The following FHIT variants were observed in gnomAD, a reference collection of about 807,000 sequenced individuals.
FHIT encodes bis(5'-adenosyl)-triphosphatase.
A neutral mutation model predicts 17.9 loss-of-function variants in FHIT; 19 were observed. The observed-to-expected ratio is 1.06, with a 90% CI of 0.74 to 1.56. FHIT has a LOEUF of 1.56. FHIT is among the 40% of genes most tolerant of loss of function. The probability of loss-of-function intolerance (pLI) is 0.00; values close to 1 mark genes in which losing one functional copy is unlikely to be tolerated. For synonymous variants in FHIT, 81 were observed against 69.7 expected (o/e 1.16, Z -0.81); for missense variants, 248 against 189.2 (o/e 1.31, Z -1.82).
intron 3 of FHIT, among the ~76,000 whole-genome samples, chr3:60,866,068 G>C (rs141946953): frequency 6.6e-6 from 1 of 152,232 alleles, no homozygotes; most frequent in East Asian, 1.9e-4. Flanking sequence ...CCTGTCATCT[G>C]TTCCCAAAGG....
intron 5 of FHIT, among the ~76,000 whole-genome samples, chr3:60,097,781 G>C (rs1412162592): frequency 6.7e-6 from 1 of 150,142 alleles, no homozygotes; most frequent in East Asian, 2.0e-4. Flanking sequence ...TGTTACATAT[G>C]TATACATGTG....
At chr3:59,981,027 T>G (rs1708631048) in intron 7 of FHIT, among the ~76,000 whole-genome samples, 1 of 152,140 alleles carries the variant, frequency 6.6e-6, no homozygotes. Context: ...AGACAAAGCA[T>G]CTGAAGATTT....
chr3:60,858,283 A>G (rs1703468267), intron 3 of FHIT, among the ~76,000 whole-genome samples: 1 of 152,182 alleles, frequency 6.6e-6, no homozygotes. Context: ...AAAAAGAAAA[A>G]CACACTTTTA....
At chr3:59,799,793 GA>G (rs1476128276) in intron 8 of FHIT, among the ~76,000 whole-genome samples, 1 of 152,180 alleles carries the variant, frequency 6.6e-6, no homozygotes, top group Non-Finnish European at 1.5e-5. Context: ...ACTCTTATCA[GA>G]AAATTGATCT....
chr3:60,228,600 C>T (rs1234994519), intron 5 of FHIT, among the ~76,000 whole-genome samples: 2 of 152,138 alleles, frequency 1.3e-5, no homozygotes, highest in East Asian at 3.9e-4. Flanking sequence ...GCCTAAGTTT[C>T]TACATGTATA....
At chr3:61,109,567 G>A (rs1454443237) in intron 2 of FHIT, among the ~76,000 whole-genome samples, 1 of 152,112 alleles carries the variant, frequency 6.6e-6, no homozygotes, top group African/African-American at 2.4e-5. Flanking sequence ...TAAGCCCCCA[G>A]TAAAAGCCCA....
chr3:61,132,524 C>A (rs1157702767), intron 2 of FHIT, among the ~76,000 whole-genome samples: 1 of 152,106 alleles, frequency 6.6e-6, no homozygotes, highest in Non-Finnish European at 1.5e-5. Context: ...CATACAAATG[C>A]AAACATGGGG....
At chr3:60,276,342 C>A (rs1707135411) in intron 5 of FHIT, among the ~76,000 whole-genome samples, 1 of 152,146 alleles carries the variant, frequency 6.6e-6, no homozygotes, top group Non-Finnish European at 1.5e-5. Flanking sequence ...GGAAGTCCAG[C>A]AGATGAAGTC....
At chr3:60,417,841 G>A (rs577098403) in intron 5 of FHIT, among the ~76,000 whole-genome samples, 1 of 152,278 alleles carries the variant, frequency 6.6e-6, no homozygotes, top group South Asian at 2.1e-4. Flanking sequence ...GGCTGTAATG[G>A]ATCCCAGAGG....
chr3:60,867,577 C>A (rs1036852681), intron 3 of FHIT, among the ~76,000 whole-genome samples: 1 of 152,164 alleles, frequency 6.6e-6, no homozygotes, highest in Non-Finnish European at 1.5e-5. Context: ...TCTCCTTTAG[C>A]CCCAAGCATA....
At chr3:60,156,436 C>G (rs933824855) in intron 5 of FHIT, among the ~76,000 whole-genome samples, 28 of 151,238 alleles carry the variant, frequency 1.9e-4, no homozygotes, top group African/African-American at 6.8e-4. Context: ...ATCGGAGATA[C>G]AATCCTAAAA....
At chr3:60,910,545 G>A (rs1216723835) in intron 3 of FHIT, among the ~76,000 whole-genome samples, 1 of 151,808 alleles carries the variant, frequency 6.6e-6, no homozygotes, top group Non-Finnish European at 1.5e-5. Flanking sequence ...CCGAGTAGCT[G>A]GGACTACAGG....
At chr3:60,912,524 C>A (rs1178398655) in intron 3 of FHIT, among the ~76,000 whole-genome samples, 2 of 152,180 alleles carry the variant, frequency 1.3e-5, no homozygotes, top group Non-Finnish European at 2.9e-5. Flanking sequence ...TTATTTTGAG[C>A]TGAAGGCAGT....
intron 4 of FHIT, among the ~76,000 whole-genome samples, chr3:60,582,357 G>A (rs1271994949): frequency 6.6e-6 from 1 of 152,088 alleles, no homozygotes; most frequent in Non-Finnish European, 1.5e-5. Flanking sequence ...GAGCAGCAAA[G>A]ACTTTCTCCC....
chr3:60,688,115 T>C (rs2040900831), intron 4 of FHIT, among the ~76,000 whole-genome samples: 1 of 152,350 alleles, frequency 6.6e-6, no homozygotes, highest in Admixed American at 6.5e-5. Context: ...AATATACAGT[T>C]GTTGTATTTT....
intron 7 of FHIT, among the ~76,000 whole-genome samples, chr3:59,983,180 C>T (rs1436541303): frequency 1.3e-5 from 2 of 152,018 alleles, no homozygotes; most frequent in Non-Finnish European, 2.9e-5. Context: ...CTCAAGCAGT[C>T]GGCCCACCTC....
chr3:60,291,991 G>A (rs991482711), intron 5 of FHIT, among the ~76,000 whole-genome samples: 14 of 152,058 alleles, frequency 9.2e-5, no homozygotes, highest in Admixed American at 3.9e-4. Flanking sequence ...GATAGATTCC[G>A]GTGATTTTTA....
At chr3:60,033,351 G>A (rs35688021) in intron 5 of FHIT, among the ~76,000 whole-genome samples, 20,536 of 151,898 alleles carry the variant, frequency 0.14, 1,500 homozygotes, top group Non-Finnish European at 0.14. Flanking sequence ...CAAATCAGCC[G>A]GGCGTGGTGG....
chr3:60,033,376 C>A (rs1575936914), intron 5 of FHIT, among the ~76,000 whole-genome samples: 1 of 152,090 alleles, frequency 6.6e-6, no homozygotes, highest in South Asian at 2.1e-4. Flanking sequence ...TGCCTGTAAT[C>A]TCAGCTACTC....
Sources: allele counts gnomAD v4.1 joint callset (sites outside exome capture counted in the v4.1 genomes callset), GRCh38; gene constraint gnomAD v4.1.1; transcripts MANE v1.5; gene names NCBI Gene and HGNC (gene_info 2026-07-23, HGNC 2026-07-21).